Variants in LSAMP observed in about 807,000 individuals in gnomAD.
LSAMP encodes the protein limbic system associated membrane protein, also known as limbic system-associated membrane protein.
A neutral mutation model predicts 38.6 loss-of-function variants in LSAMP; 7 were observed. The ratio of observed to expected loss-of-function variants is 0.18; its 90% CI spans 0.10 to 0.34. LSAMP has a LOEUF of 0.34. Ranked by LOEUF, LSAMP falls within the 10% of genes least tolerant of loss-of-function variation. The probability of loss-of-function intolerance (pLI) is 1.00; values close to 1 mark genes in which losing one functional copy is unlikely to be tolerated. For synonymous variants in LSAMP, 154 were observed against 166.8 expected (o/e 0.92, Z 0.59); for missense variants, 313 against 420.0 (o/e 0.75, Z 2.23).
chr3:115,830,013 A>T (rs1444049118), intron 6 of LSAMP, among the ~76,000 whole-genome samples: 1 of 152,180 alleles, frequency 6.6e-6, no homozygotes, highest in African/African-American at 2.4e-5. Flanking sequence ...TCTCTTTTGT[A>T]TATTATTTAA....
intron 1 of LSAMP, among the ~76,000 whole-genome samples, chr3:116,188,922 G>T (rs1710688771): frequency 6.6e-6 from 1 of 152,150 alleles, no homozygotes; most frequent in Non-Finnish European, 1.5e-5. Context: ...AAAAGTCTTT[G>T]CAGTCTTCAT....
intron 2 of LSAMP, among the ~76,000 whole-genome samples, chr3:116,050,017 C>T (rs1424438025): frequency 1.3e-5 from 2 of 152,190 alleles, no homozygotes; most frequent in Non-Finnish European, 2.9e-5. Context: ...GTCCCCTGCT[C>T]TGTGCCCTGG....
chr3:116,368,427 G>A (rs1280075299), intron 1 of LSAMP, among the ~76,000 whole-genome samples: 3 of 152,248 alleles, frequency 2.0e-5, no homozygotes, highest in South Asian at 2.1e-4. Flanking sequence ...AGTACAGAAA[G>A]AGTGAGTGGG....
intron 1 of LSAMP, among the ~76,000 whole-genome samples, chr3:116,213,206 G>A (rs148025836): frequency 1.3e-5 from 2 of 152,112 alleles, no homozygotes; most frequent in African/African-American, 4.8e-5. Flanking sequence ...GATATGGTTT[G>A]GTTGTGTCCC....
intron 1 of LSAMP, among the ~76,000 whole-genome samples, chr3:116,242,835 A>T (rs994268856): frequency 4.1e-5 from 3 of 73,500 alleles, no homozygotes; most frequent in African/African-American, 9.6e-5. Context: ...TGCCTCATAG[A>T]TAGAAGTGTC....
intron 1 of LSAMP, among the ~76,000 whole-genome samples, chr3:116,192,517 T>A (rs1300351451): frequency 6.6e-6 from 1 of 152,252 alleles, no homozygotes; most frequent in Non-Finnish European, 1.5e-5. Context: ...TTTGCCTCTT[T>A]CAGTCTCACT....
chr3:116,304,171 A>G (rs1220746739), intron 1 of LSAMP, among the ~76,000 whole-genome samples: 1 of 152,196 alleles, frequency 6.6e-6, no homozygotes, highest in Non-Finnish European at 1.5e-5. Flanking sequence ...ACCAATAAGT[A>G]AAATTGTGTG....
chr3:116,370,560 T>C (rs1490879979), intron 1 of LSAMP, among the ~76,000 whole-genome samples: 2 of 152,138 alleles, frequency 1.3e-5, no homozygotes, highest in Non-Finnish European at 2.9e-5. Flanking sequence ...CAGGCAGTTG[T>C]ACACATATTA....
At chr3:116,119,876 G>A (rs1401962928) in intron 1 of LSAMP, among the ~76,000 whole-genome samples, 6 of 152,034 alleles carry the variant, frequency 3.9e-5, no homozygotes, top group Non-Finnish European at 7.4e-5. Flanking sequence ...GGCCAGGCTG[G>A]TCTTCAACTC....
At chr3:115,954,569 C>T (rs1183589950) in intron 3 of LSAMP, among the ~76,000 whole-genome samples, 4 of 152,238 alleles carry the variant, frequency 2.6e-5, no homozygotes, top group Non-Finnish European at 5.9e-5. Context: ...AGCTGCTGCA[C>T]TGAGATAGAG....
intron 1 of LSAMP, among the ~76,000 whole-genome samples, chr3:116,243,195 G>A (rs1029992110): frequency 2.0e-5 from 3 of 152,162 alleles, no homozygotes; most frequent in African/African-American, 4.8e-5. Context: ...AGATTCAGCA[G>A]TTGCCCAAGA....
chr3:116,303,255 TAAAG>T (rs760393263), intron 1 of LSAMP, among the ~76,000 whole-genome samples: 1 of 152,092 alleles, frequency 6.6e-6, no homozygotes, highest in South Asian at 2.1e-4. Flanking sequence ...TTGGGAGAAA[TAAAG>T]ATTTTTTTTA....
intron 3 of LSAMP, among the ~76,000 whole-genome samples, chr3:115,922,875 C>T (rs1489377095): frequency 6.6e-6 from 1 of 152,142 alleles, no homozygotes; most frequent in Admixed American, 6.5e-5. Flanking sequence ...CTGTTGGTGG[C>T]ACTGCAAGTT....
At chr3:115,848,285 A>G (rs1212429159) in intron 4 of LSAMP, among the ~76,000 whole-genome samples, 1 of 152,102 alleles carries the variant, frequency 6.6e-6, no homozygotes, top group East Asian at 1.9e-4. Context: ...TTAGTCGGGT[A>G]TGGTGGCACG....
At chr3:116,217,127 C>T (rs906797743) in intron 1 of LSAMP, among the ~76,000 whole-genome samples, 2 of 152,134 alleles carry the variant, frequency 1.3e-5, no homozygotes, top group African/African-American at 4.8e-5. Flanking sequence ...GAGATTAATT[C>T]TCACTGCTGG....
At chr3:115,839,011 C>T (rs6783501) in intron 6 of LSAMP, among the ~76,000 whole-genome samples, 7,331 of 152,222 alleles carry the variant, frequency 0.048, 582 homozygotes, top group African/African-American at 0.17. Context: ...GTCAGCAGAG[C>T]ACCCCGCTGC....
chr3:115,995,511 T>C (rs1259168933), intron 3 of LSAMP, among the ~76,000 whole-genome samples: 1 of 152,066 alleles, frequency 6.6e-6, no homozygotes. Context: ...AATACCAATT[T>C]CTAATGATTG....
intron 3 of LSAMP, among the ~76,000 whole-genome samples, chr3:115,947,462 A>G (rs1934387506): frequency 1.3e-5 from 2 of 152,148 alleles, no homozygotes; most frequent in South Asian, 4.1e-4. Flanking sequence ...ATTCATATTA[A>G]AATAAAAAGG....
intron 3 of LSAMP, among the ~76,000 whole-genome samples, chr3:115,883,687 A>T (rs1341534824): frequency 6.6e-6 from 1 of 152,040 alleles, no homozygotes; most frequent in Non-Finnish European, 1.5e-5. Context: ...AATCTAGTGA[A>T]GGGGAGTAAT....
Sources: allele counts gnomAD v4.1 joint callset (sites outside exome capture counted in the v4.1 genomes callset), GRCh38; gene constraint gnomAD v4.1.1; transcripts MANE v1.5; gene names NCBI Gene and HGNC (gene_info 2026-07-23, HGNC 2026-07-21).